PDE4D: variants seen among roughly 807,000 people sequenced by gnomAD.
PDE4D encodes 3',5'-cyclic-AMP phosphodiesterase 4D.
In PDE4D, 24 loss-of-function variants were observed where a neutral mutation model predicts 87.4. The ratio of observed to expected loss-of-function variants is 0.27; its 90% CI spans 0.20 to 0.39. PDE4D has a LOEUF of 0.39. Ranked by LOEUF, PDE4D falls within the 10% of genes least tolerant of loss-of-function variation. The probability of loss-of-function intolerance (pLI) is 1.00; values close to 1 mark genes in which losing one functional copy is unlikely to be tolerated. For missense variants in PDE4D, 714 were observed against 1,041.0 expected (o/e 0.69, Z 4.32); for synonymous variants, 384 against 383.2 (o/e 1.00, Z -0.02).
upstream of PDE4D, among the ~76,000 whole-genome samples, chr5:59,896,052 GATAGTA>G (rs1207705138): frequency 3.9e-5 from 6 of 152,086 alleles, no homozygotes; most frequent in Admixed American, 3.3e-4. Flanking sequence ...AAATGTTATT[GATAGTA>G]ATAGTTTCTT....
intron 1 of PDE4D, among the ~76,000 whole-genome samples, chr5:59,519,378 G>T (rs1417522768): frequency 6.6e-6 from 1 of 152,204 alleles, no homozygotes; most frequent in East Asian, 1.9e-4. Context: ...AATAGGAAAG[G>T]ATTACTGCTA....
intron 1 of PDE4D, among the ~76,000 whole-genome samples, chr5:59,601,420 T>A (rs1827491841): frequency 4.6e-4 from 1 of 2,152 alleles, no homozygotes; most frequent in Non-Finnish European, 9.0e-4. Flanking sequence ...CTGGTTTGCT[T>A]TTTTTTTTTT....
intron 1 of PDE4D, among the ~76,000 whole-genome samples, chr5:59,495,341 G>T (rs1013496582): frequency 2.6e-5 from 4 of 152,048 alleles, no homozygotes; most frequent in African/African-American, 9.7e-5. Flanking sequence ...CATTCTCTTT[G>T]TGTCTCTCAT....
At chr5:60,279,315 T>A (rs1307350529) in intron 1 of PDE4D, among the ~76,000 whole-genome samples, 1 of 152,200 alleles carries the variant, frequency 6.6e-6, no homozygotes, top group Non-Finnish European at 1.5e-5. Context: ...TACTTCCAGA[T>A]GGCTTTGGAA....
rs11412476 is a variant in PDE4D at position 59,488,676 on chromosome 5, C to CTTTT, written c.456-272712_456-272709dup. Among the ~76,000 whole-genome samples, 116 of 144,866 alleles carry CTTTT rather than the reference C, an allele frequency of 8.0e-4. 1 individual carries two copies. Among genetic ancestry groups the CTTTT allele is most frequent in the African/African-American group, 2.9e-3 (113 of 39,450 alleles). On this transcript the variant is annotated intron_variant, in intron 1 of 14. Transcript: ENST00000340635. Reference sequence around the variant, plus strand: ...AAATATAACCACTAGAGATAATCTTCTTTTTTTTTTTTTGAGGGGGGGATC... The same window carrying CTTTT: ...AAATATAACCACTAGAGATAATCTTCTTTTTTTTTTTTTTTTTGAGGGGGGGATC...
chr5:59,271,900 C>T (rs1451452702), intron 1 of PDE4D, among the ~76,000 whole-genome samples: 1 of 151,442 alleles, frequency 6.6e-6, no homozygotes, highest in Non-Finnish European at 1.5e-5. Flanking sequence ...TCCCCCTTAC[C>T]TTCACTCCTA....
intron 1 of PDE4D, among the ~76,000 whole-genome samples, chr5:59,266,110 T>C (rs1057109538): frequency 1.3e-5 from 2 of 151,890 alleles, no homozygotes; most frequent in African/African-American, 4.8e-5. Flanking sequence ...AAAAAATATT[T>C]CTCCAGCCAG....
chr5:60,166,341 A>G (rs1263854576), intron 2 of PDE4D, among the ~76,000 whole-genome samples: 2 of 152,190 alleles, frequency 1.3e-5, no homozygotes, highest in East Asian at 3.8e-4. Context: ...TGAGGCTTAT[A>G]AAAGACACTT....
rs560668557 is a variant in PDE4D at position 59,625,215 on chromosome 5, G to T, written c.455+267953C>A. 1.9e-4 allele frequency among the ~76,000 whole-genome samples: 29 copies of T among 152,270 alleles called. No homozygotes were observed. The South Asian group carries it at 6.0e-3, about 32-fold the overall frequency. On this transcript the variant is annotated intron_variant, in intron 1 of 14. Transcript: ENST00000340635. ...AGAGAGATGAAGTGTGAGAGGGGAG[G>T]TCTTCCACGGCTGAGATGAAGATGA...
chr5:60,045,102 T>G (rs1427888965), intron 2 of PDE4D, among the ~76,000 whole-genome samples: 1 of 152,198 alleles, frequency 6.6e-6, no homozygotes, highest in Non-Finnish European at 1.5e-5. Flanking sequence ...GATTTGCATT[T>G]CTCTGATGGC....
At chr5:59,921,610 T>A (rs894034635) in intron 3 of PDE4D, among the ~76,000 whole-genome samples, 2 of 152,212 alleles carry the variant, frequency 1.3e-5, no homozygotes, top group African/African-American at 4.8e-5. Context: ...AATACTGTAC[T>A]CAGACAGTAT....
intron 1 of PDE4D, among the ~76,000 whole-genome samples, chr5:59,238,433 A>G (rs1052509854): frequency 1.3e-5 from 2 of 152,234 alleles, no homozygotes; most frequent in Non-Finnish European, 2.9e-5. Context: ...CATATAGGAA[A>G]ACAAAGTAGG....
chr5:59,742,724 A>C (rs147884925), intron 1 of PDE4D, among the ~76,000 whole-genome samples: 47 of 152,260 alleles, frequency 3.1e-4, no homozygotes, highest in African/African-American at 1.1e-3. Flanking sequence ...GCTATTCCTT[A>C]TCTGGGAATT....
intron 1 of PDE4D, among the ~76,000 whole-genome samples, chr5:60,414,638 G>A (rs1464141744): frequency 3.9e-5 from 6 of 152,200 alleles, no homozygotes; most frequent in African/African-American, 1.4e-4. Flanking sequence ...CTACAAAGCA[G>A]TTTGCTGGTT....
intron 1 of PDE4D, among the ~76,000 whole-genome samples, chr5:59,836,688 T>TCTATCTATCTAC (rs1244648922): frequency 7.0e-4 from 106 of 151,676 alleles, no homozygotes; most frequent in African/African-American, 2.5e-3. Flanking sequence ...TATCTACCTA[T>TCTATCTATCTAC]CTATCTATGT....
At chr5:59,418,553 C>T (rs1357863541) in intron 1 of PDE4D, among the ~76,000 whole-genome samples, 4 of 152,200 alleles carry the variant, frequency 2.6e-5, no homozygotes, top group Non-Finnish European at 5.9e-5. Context: ...ATATTTTACT[C>T]CTGCTTTCTC....
In PDE4D at chr5:58,991,787, G is replaced by A. The variant is rs1393098941; in HGVS notation, c.1188+45C>T. 2.5e-6 allele frequency: 3 copies of A among 1,197,926 alleles called. No homozygotes were observed. The Admixed American group carries it at 8.8e-5, about 35-fold the overall frequency. The allele number at this position is 1,197,926 out of a possible 1,614,324, so 74.2% of individuals were successfully genotyped here. On this transcript the variant is annotated intron_variant, in intron 8 of 14. Transcript: ENST00000340635. ...GACTAGAAGTGAAAATTCATGAAAG[G>A]GCATCATTTAATATTTATGATCCTG...
At chr5:59,150,837 A>T (rs1006831170) in intron 5 of PDE4D, among the ~76,000 whole-genome samples, 2 of 152,210 alleles carry the variant, frequency 1.3e-5, no homozygotes, top group South Asian at 2.1e-4. Flanking sequence ...AAAAATTTTT[A>T]AATCTACTGA....
At chr5:60,257,881 A>G (rs7728100) in intron 1 of PDE4D, among the ~76,000 whole-genome samples, 64,594 of 151,744 alleles carry the variant, frequency 0.43, 14,801 homozygotes, top group African/African-American at 0.57. Context: ...AGCTGTTATC[A>G]ATTTGCTCAA....
Sources: allele counts gnomAD v4.1 joint callset (sites outside exome capture counted in the v4.1 genomes callset), GRCh38; gene constraint gnomAD v4.1.1; transcripts MANE v1.5; gene names NCBI Gene and HGNC (gene_info 2026-07-23, HGNC 2026-07-21).